Variants in RBFOX1 observed in about 807,000 individuals in gnomAD.
The protein encoded by RBFOX1 is RNA binding fox-1 homolog 1.
In RBFOX1, 8 loss-of-function variants were observed where a neutral mutation model predicts 57.7. That is an observed-to-expected ratio of 0.14 (90% CI 0.08 to 0.25). The LOEUF is 0.25. Ranked by LOEUF, RBFOX1 falls within the 10% of genes least tolerant of loss-of-function variation. The pLI is 1.00. For missense variants in RBFOX1, 611 were observed against 548.5 expected (o/e 1.11, Z -1.14); for synonymous variants, 326 against 222.4 (o/e 1.47, Z -4.15).
chr16:5,475,032 C>T (rs1168378680), intron 2 of RBFOX1, among the ~76,000 whole-genome samples: 2 of 152,150 alleles, frequency 1.3e-5, no homozygotes, highest in Non-Finnish European at 1.5e-5. Flanking sequence ...GGGCATGCTA[C>T]CCTTCATTTT....
chr16:5,894,012 G>A (rs528020269), intron 4 of RBFOX1, among the ~76,000 whole-genome samples: 1 of 152,188 alleles, frequency 6.6e-6, no homozygotes, highest in East Asian at 1.9e-4. Context: ...CTGAAAGCTG[G>A]GTCACCACTA....
chr16:6,281,686 TAAC>T (rs1248170745), intron 1 of RBFOX1, among the ~76,000 whole-genome samples: 1 of 152,182 alleles, frequency 6.6e-6, no homozygotes, highest in African/African-American at 2.4e-5. Context: ...GCCGACGTAA[TAAC>T]AACACTATTC....
intron 3 of RBFOX1, among the ~76,000 whole-genome samples, chr16:7,027,666 A>G (rs928103630): frequency 6.6e-6 from 1 of 152,200 alleles, no homozygotes; most frequent in African/African-American, 2.4e-5. Flanking sequence ...TTCAAAAGAC[A>G]TGGCAGGGAA....
At chr16:5,880,222 C>G (rs1264450000) in intron 4 of RBFOX1, among the ~76,000 whole-genome samples, 1 of 152,204 alleles carries the variant, frequency 6.6e-6, no homozygotes, top group East Asian at 1.9e-4. Context: ...AGGGCTCAAA[C>G]TATTTGTCAA....
intron 2 of RBFOX1, among the ~76,000 whole-genome samples, chr16:6,611,812 C>T (rs28569133): frequency 0.017 from 2,539 of 152,198 alleles, 86 homozygotes; most frequent in African/African-American, 0.057. Flanking sequence ...CTGAGTCCTC[C>T]CTCAGGGCCC....
intron 1 of RBFOX1, among the ~76,000 whole-genome samples, chr16:6,222,149 C>G (rs1252295997): frequency 6.6e-6 from 1 of 151,922 alleles, no homozygotes. Context: ...AATATGTAGT[C>G]CAATGGAAAT....
At chr16:6,599,936 A>T (rs1015968671) in intron 2 of RBFOX1, among the ~76,000 whole-genome samples, 2 of 152,170 alleles carry the variant, frequency 1.3e-5, no homozygotes, top group African/African-American at 4.8e-5. Flanking sequence ...CCCACAATCA[A>T]CAAAGCATTG....
At chr16:5,516,671 C>A (rs1376313394) in intron 2 of RBFOX1, among the ~76,000 whole-genome samples, 8 of 152,090 alleles carry the variant, frequency 5.3e-5, no homozygotes, top group Admixed American at 5.2e-4. Flanking sequence ...CCATAATCCC[C>A]ATATGTCATG....
intron 2 of RBFOX1, among the ~76,000 whole-genome samples, chr16:5,503,258 C>G (rs2043260676): frequency 6.6e-6 from 1 of 152,170 alleles, no homozygotes; most frequent in Non-Finnish European, 1.5e-5. Context: ...TAGGAAGATC[C>G]AAGAGGACCT....
intron 10 of RBFOX1, among the ~76,000 whole-genome samples, chr16:7,619,482 C>T (rs1003981205): frequency 2.1e-5 from 3 of 140,836 alleles, no homozygotes; most frequent in African/African-American, 8.1e-5. Context: ...CCAAAAAAGT[C>T]AGGTTAAAAT....
chr16:7,074,802 A>C (rs79891762), intron 4 of RBFOX1, among the ~76,000 whole-genome samples: 1,539 of 152,332 alleles, frequency 0.01, 30 homozygotes, highest in African/African-American at 0.035. Context: ...ACCAAAGATA[A>C]ACAGATGCAT....
intron 4 of RBFOX1, among the ~76,000 whole-genome samples, chr16:5,975,824 G>A (rs2060051175): frequency 6.6e-6 from 1 of 152,192 alleles, no homozygotes; most frequent in African/African-American, 2.4e-5. Flanking sequence ...TCGACATATA[G>A]TAATAACTCA....
At chr16:5,265,968 A>C (rs1438293460) in intron 1 of RBFOX1, among the ~76,000 whole-genome samples, 4 of 152,084 alleles carry the variant, frequency 2.6e-5, no homozygotes, top group African/African-American at 9.7e-5. Context: ...AGCAGATGCC[A>C]TTTCAAGAAA....
At position 5,280,836 on chromosome 16, in the gene RBFOX1, T is replaced by G. The variant is rs1375999338; in HGVS notation, c.219+40731T>G. On this transcript the variant is annotated intron_variant, in intron 1 of 2. Coordinates refer to the RBFOX1 transcript ENST00000585867. ...GGTCTCCTTTCTTTCTTTTTTTTTT[T>G]GGTTAGCCTCACTAGTGGTTTATCA... Among the ~76,000 whole-genome samples the G allele has an allele frequency of 7.2e-5, 11 of 151,910 alleles. No individual in the cohort carries two copies. In the East Asian group the frequency reaches 2.1e-3, roughly 29 times the overall value.
rs554548985 is a variant in RBFOX1 at position 5,559,256 on chromosome 16, C to G, written c.259-39646C>G. Reference sequence around the variant, plus strand: ...GCATGGGCAATGGCGTACCCCTGTTCTGGTTCTTGGTTTGTTTAAGCATGG... The same window carrying G: ...GCATGGGCAATGGCGTACCCCTGTTGTGGTTCTTGGTTTGTTTAAGCATGG... On this transcript the variant is annotated intron_variant, in intron 2 of 2. Transcript: ENST00000585867. Among the ~76,000 whole-genome samples the G allele has an allele frequency of 4.0e-5, 6 of 148,186 alleles. No homozygotes were observed. In the South Asian group the frequency reaches 6.5e-4, roughly 16 times the overall value.
At chr16:6,292,099 A>T (rs1303757533) in intron 1 of RBFOX1, among the ~76,000 whole-genome samples, 1 of 152,150 alleles carries the variant, frequency 6.6e-6, no homozygotes, top group African/African-American at 2.4e-5. Flanking sequence ...GGTGTAATTG[A>T]TAAAGAAACT....
chr16:6,890,917 T>G (rs1204934847), intron 3 of RBFOX1, among the ~76,000 whole-genome samples: 3 of 152,174 alleles, frequency 2.0e-5, no homozygotes, highest in East Asian at 3.9e-4. Flanking sequence ...AGTGAGAAAC[T>G]TGAACAGACT....
intron 3 of RBFOX1, among the ~76,000 whole-genome samples, chr16:6,975,978 T>C (rs1272868943): frequency 6.6e-6 from 1 of 151,920 alleles, no homozygotes; most frequent in East Asian, 1.9e-4. Context: ...AATACAAAAA[T>C]TAGCCAGGCA....
intron 1 of RBFOX1, among the ~76,000 whole-genome samples, chr16:5,436,670 T>G (rs111530475): frequency 0.047 from 7,207 of 152,152 alleles, 223 homozygotes; most frequent in Middle Eastern, 0.088. Context: ...AAACCCCATC[T>G]CTACTCAAAA....
Sources: allele counts gnomAD v4.1 joint callset (sites outside exome capture counted in the v4.1 genomes callset), GRCh38; gene constraint gnomAD v4.1.1; transcripts MANE v1.5; gene names NCBI Gene and HGNC (gene_info 2026-07-23, HGNC 2026-07-21).